Variants in C10orf90 observed in about 807,000 individuals in gnomAD.
C10orf90 encodes the protein (E2-independent) E3 ubiquitin-conjugating enzyme FATS.
A neutral mutation model predicts 62.5 loss-of-function variants in C10orf90; 56 were observed. The observed-to-expected ratio is 0.90, with a 90% CI of 0.72 to 1.12. C10orf90 has a LOEUF of 1.12. Among genes scored for constraint, C10orf90 ranks in the 50% most tolerant of loss-of-function variants. The pLI is 0.00. For synonymous variants in C10orf90, 386 were observed against 340.4 expected (o/e 1.13, Z -1.47); for missense variants, 970 against 880.4 (o/e 1.10, Z -1.29).
chr10:126,606,608 G>C (rs868811746), intron 2 of C10orf90, among the ~76,000 whole-genome samples: 3 of 152,098 alleles, frequency 2.0e-5, no homozygotes, highest in Non-Finnish European at 4.4e-5. Flanking sequence ...TCCCACCTCC[G>C]AGGAACTTTG....
intron 2 of C10orf90, among the ~76,000 whole-genome samples, chr10:126,634,092 A>C (rs1845903399): frequency 6.6e-6 from 1 of 152,202 alleles, no homozygotes; most frequent in African/African-American, 2.4e-5. Flanking sequence ...AAAATTAAAA[A>C]TAAAACTACC....
intron 2 of C10orf90, among the ~76,000 whole-genome samples, chr10:126,580,877 T>A (rs1056650593): frequency 2.0e-5 from 3 of 152,096 alleles, no homozygotes; most frequent in Non-Finnish European, 4.4e-5. Context: ...TCTGGACACA[T>A]TTCCATCCTC....
At chr10:126,639,381 A>C (rs1846015591) in intron 2 of C10orf90, among the ~76,000 whole-genome samples, 1 of 152,190 alleles carries the variant, frequency 6.6e-6, no homozygotes, top group African/African-American at 2.4e-5. Context: ...CTTCTAAGCA[A>C]AACCAAAAAC....
chr10:126,536,026 G>T (rs1015827025), intron 2 of C10orf90, among the ~76,000 whole-genome samples: 4 of 152,116 alleles, frequency 2.6e-5, no homozygotes, highest in Non-Finnish European at 1.5e-5. Flanking sequence ...CTTATAAAGG[G>T]CCATCAAAAG....
chr10:126,552,418 C>T (rs1296874204), intron 2 of C10orf90, among the ~76,000 whole-genome samples: 1 of 152,142 alleles, frequency 6.6e-6, no homozygotes, highest in Non-Finnish European at 1.5e-5. Context: ...CCACACTGGT[C>T]GAGAACCTCC....
chr10:126,663,692 C>A (rs1846565291), intron 1 of C10orf90, among the ~76,000 whole-genome samples: 2 of 152,076 alleles, frequency 1.3e-5, no homozygotes, highest in African/African-American at 4.8e-5. Context: ...ATTCAGCTGG[C>A]TTTTTTGTGA....
At chr10:126,653,984 G>A (rs1846342230) in intron 1 of C10orf90, among the ~76,000 whole-genome samples, 1 of 151,988 alleles carries the variant, frequency 6.6e-6, no homozygotes, top group South Asian at 2.1e-4. Context: ...TTTTTTCTAA[G>A]CAGCAGGTCT....
At chr10:126,466,254 A>G (rs80248670) in intron 4 of C10orf90, among the ~76,000 whole-genome samples, 2,244 of 152,136 alleles carry the variant, frequency 0.015, 54 homozygotes, top group African/African-American at 0.051. Flanking sequence ...AACAAAAGTT[A>G]TAAGAATATT....
chr10:126,601,768 C>T (rs117364716), intron 2 of C10orf90, among the ~76,000 whole-genome samples: 1,931 of 152,360 alleles, frequency 0.013, 19 homozygotes, highest in Non-Finnish European at 0.019. Context: ...TAAAGAATAG[C>T]GGGGACCCCG....
In C10orf90 at chr10:126,463,996, T is replaced by G. The variant is rs147819314; in HGVS notation, c.1825+700A>C. Among the ~76,000 whole-genome samples, 548 of 152,364 alleles carry G rather than the reference T, an allele frequency of 3.6e-3. 7 individuals carry two copies. The highest frequency in any genetic ancestry group is 0.013 in the African/African-American group (533 of 41,588). ...TTACAACCCAAGCTGATATCTTTCT[T>G]TCTGTCCTTTTCCATAGTTCTTTGA... On this transcript the variant is annotated intron_variant, in intron 5 of 9. Transcript: ENST00000488181.
intron 2 of C10orf90, among the ~76,000 whole-genome samples, chr10:126,623,765 C>T (rs891726215): frequency 6.0e-5 from 9 of 150,602 alleles, no homozygotes; most frequent in East Asian, 2.0e-4. Flanking sequence ...TGCTTGAACC[C>T]AGTAGGCAGA....
chr10:126,489,325 T>C (rs1375143684), intron 4 of C10orf90, among the ~76,000 whole-genome samples: 2 of 151,954 alleles, frequency 1.3e-5, no homozygotes, highest in South Asian at 2.1e-4. Flanking sequence ...TCAACACCAA[T>C]GCATAAAAAA....
At chr10:126,636,414 A>C (rs1242149341) in intron 2 of C10orf90, among the ~76,000 whole-genome samples, 1 of 152,158 alleles carries the variant, frequency 6.6e-6, no homozygotes, top group Non-Finnish European at 1.5e-5. Flanking sequence ...TTAGGAGGTA[A>C]TTCGTTCCAA....
At chr10:126,656,911 A>G (rs78696135) in intron 1 of C10orf90, among the ~76,000 whole-genome samples, 13,759 of 152,274 alleles carry the variant, frequency 0.09, 698 homozygotes, top group South Asian at 0.16. Flanking sequence ...TAGAATTTCA[A>G]TTCAACAAAC....
chr10:126,474,968 T>A (rs557564605), intron 4 of C10orf90, among the ~76,000 whole-genome samples: 37 of 152,332 alleles, frequency 2.4e-4, no homozygotes, highest in Admixed American at 2.4e-3. Flanking sequence ...TGGGGAATAA[T>A]GGCCCTTCCA....
At chr10:126,644,733 G>A (rs78626365) in intron 2 of C10orf90, among the ~76,000 whole-genome samples, 2,558 of 152,282 alleles carry the variant, frequency 0.017, 86 homozygotes, top group African/African-American at 0.059. Flanking sequence ...CTAAGATAAA[G>A]AGGACCAAGG....
chr10:126,565,936 T>TC (rs940156543), intron 2 of C10orf90, among the ~76,000 whole-genome samples: 53 of 152,320 alleles, frequency 3.5e-4, no homozygotes, highest in Middle Eastern at 3.4e-3. Flanking sequence ...CAAATAGCGC[T>TC]CCTCCACGTC....
chr10:126,432,063 T>C (rs894044411), intron 7 of C10orf90, among the ~76,000 whole-genome samples: 1 of 152,198 alleles, frequency 6.6e-6, no homozygotes, highest in African/African-American at 2.4e-5. Flanking sequence ...TGCAGGTTGA[T>C]TGCTTCTGAC....
In C10orf90 at chr10:126,577,866, T is replaced by C. The variant is rs1844658915; in HGVS notation, c.314-63927A>G. On this transcript the variant is annotated intron_variant, in intron 2 of 9. Coordinates refer to ENST00000488181, the MANE Select transcript of C10orf90 (RefSeq NM_001350921.2). Reference sequence around the variant, plus strand: ...CTCTCCTAATTTATGACAAATGCAATACCGTAATGTAATGAGGAAATAATG... The same window carrying C: ...CTCTCCTAATTTATGACAAATGCAACACCGTAATGTAATGAGGAAATAATG... 2.6e-5 allele frequency among the ~76,000 whole-genome samples: 4 copies of C among 152,144 alleles called. No homozygotes were observed. In the South Asian group the frequency reaches 8.3e-4, roughly 32 times the overall value.
Sources: gnomAD v4.1 joint callset for allele counts (sites outside exome capture counted in the v4.1 genomes callset) on GRCh38, gnomAD v4.1.1 for gene constraint, MANE v1.5 for transcripts, NCBI Gene and HGNC (gene_info 2026-07-23, HGNC 2026-07-21) for gene names.